ROBO1: variants seen among roughly 807,000 people sequenced by gnomAD.
ROBO1 encodes roundabout homolog 1.
ROBO1 carries 149 observed loss-of-function variants against 195.9 expected under a neutral mutation model. The observed-to-expected ratio is 0.76, with a 90% confidence interval of 0.67 to 0.87. The LOEUF (loss-of-function observed/expected upper bound fraction) is 0.87. Among genes scored for constraint, ROBO1 ranks in the 40% least tolerant of loss-of-function variants. The pLI, the probability that ROBO1 is intolerant of heterozygous loss-of-function variation, is 0.00. For synonymous variants in ROBO1, 816 were observed against 733.2 expected (o/e 1.11, Z -1.82); for missense variants, 1,933 against 2,068.3 (o/e 0.93, Z 1.27).
At chr3:78,874,344 T>C (rs532780921) in intron 4 of ROBO1, among the ~76,000 whole-genome samples, 1 of 152,040 alleles carries the variant, frequency 6.6e-6, no homozygotes, top group East Asian at 1.9e-4. Context: ...GGTAAGATAA[T>C]TTTTTCTCAA....
chr3:79,762,759 A>C (rs1559564287), intron 1 of ROBO1, among the ~76,000 whole-genome samples: 1 of 152,200 alleles, frequency 6.6e-6, no homozygotes, highest in Non-Finnish European at 1.5e-5. Flanking sequence ...TTCAATGACT[A>C]AGGAGTTTAG....
intron 4 of ROBO1, among the ~76,000 whole-genome samples, chr3:78,881,878 G>A (rs2107263327): frequency 6.6e-6 from 1 of 152,092 alleles, no homozygotes; most frequent in Non-Finnish European, 1.5e-5. Flanking sequence ...ACTTTTAATG[G>A]ACATGGCCTT....
intron 1 of ROBO1, among the ~76,000 whole-genome samples, chr3:79,735,888 A>AC (rs1224192522): frequency 0.011 from 299 of 26,152 alleles, 1 homozygote; most frequent in African/African-American, 0.033. Flanking sequence ...AAAAAAAAAC[A>AC]AAAAAAAAAC....
chr3:79,103,035 A>G (rs1169277769), intron 3 of ROBO1, among the ~76,000 whole-genome samples: 2 of 151,830 alleles, frequency 1.3e-5, no homozygotes, highest in Non-Finnish European at 2.9e-5. Flanking sequence ...TTCTAAAATC[A>G]GAAGATAGAA....
At chr3:78,663,444 C>T (rs751506617) in intron 14 of ROBO1, among the ~76,000 whole-genome samples, 4 of 152,082 alleles carry the variant, frequency 2.6e-5, no homozygotes, top group Non-Finnish European at 5.9e-5. Flanking sequence ...ACGGAGTAAA[C>T]ACTTGATTGT....
intron 1 of ROBO1, among the ~76,000 whole-genome samples, chr3:79,679,092 C>A (rs1056812249): frequency 1.3e-5 from 2 of 151,858 alleles, no homozygotes; most frequent in South Asian, 4.1e-4. Flanking sequence ...CCCTTAATCC[C>A]ACAAATTACA....
intron 4 of ROBO1, among the ~76,000 whole-genome samples, chr3:78,882,582 G>A (rs188628308): frequency 2.5e-4 from 38 of 152,104 alleles, no homozygotes; most frequent in African/African-American, 8.0e-4. Context: ...CTGTCACCTC[G>A]GGGATCATAC....
At chr3:78,982,438 G>A (rs2077017381) in intron 3 of ROBO1, among the ~76,000 whole-genome samples, 1 of 152,096 alleles carries the variant, frequency 6.6e-6, no homozygotes. Flanking sequence ...CAAATAATGA[G>A]CATTTTTGCA....
At chr3:78,860,908 C>T (rs1470833965) in intron 4 of ROBO1, among the ~76,000 whole-genome samples, 1 of 152,114 alleles carries the variant, frequency 6.6e-6, no homozygotes, top group African/African-American at 2.4e-5. Flanking sequence ...ATCTGGATTG[C>T]TCTTACCCAC....
intron 3 of ROBO1, among the ~76,000 whole-genome samples, chr3:79,058,989 C>T (rs1451437911): frequency 1.3e-5 from 2 of 152,060 alleles, no homozygotes; most frequent in South Asian, 2.1e-4. Context: ...CAATTCCACC[C>T]AAATGTGGAA....
intron 2 of ROBO1, among the ~76,000 whole-genome samples, chr3:79,427,823 C>T (rs1040306462): frequency 6.6e-6 from 1 of 152,054 alleles, no homozygotes; most frequent in Non-Finnish European, 1.5e-5. Flanking sequence ...TTTAACACTT[C>T]AAACTATGAA....
chr3:79,315,520 G>C (rs2033692254), intron 2 of ROBO1, among the ~76,000 whole-genome samples: 1 of 152,202 alleles, frequency 6.6e-6, no homozygotes, highest in Non-Finnish European at 1.5e-5. Context: ...AGTGCTGTAT[G>C]AGAAGATGGG....
At chr3:79,340,060 C>A (rs1470439979) in intron 2 of ROBO1, among the ~76,000 whole-genome samples, 1 of 152,178 alleles carries the variant, frequency 6.6e-6, no homozygotes, top group African/African-American at 2.4e-5. Context: ...GTGTGATAGC[C>A]TGTTTGCTCT....
intron 2 of ROBO1, among the ~76,000 whole-genome samples, chr3:79,226,646 T>C (rs764314116): frequency 2.6e-5 from 4 of 151,656 alleles, no homozygotes; most frequent in Non-Finnish European, 5.9e-5. Flanking sequence ...GCTCAAGCGA[T>C]CCTCCCACCT....
intron 1 of ROBO1, among the ~76,000 whole-genome samples, chr3:79,598,974 C>G (rs1172709387): frequency 6.6e-6 from 1 of 152,028 alleles, no homozygotes; most frequent in African/African-American, 2.4e-5. Context: ...AGGACTAAAC[C>G]TATTTACAAC....
intron 1 of ROBO1, among the ~76,000 whole-genome samples, chr3:79,735,126 T>A (rs1703325733): frequency 6.6e-6 from 1 of 152,236 alleles, no homozygotes; most frequent in Non-Finnish European, 1.5e-5. Flanking sequence ...ACCTTCTGCA[T>A]CATCTGGAAG....
chr3:78,692,257 G>C (rs983464452), intron 8 of ROBO1, among the ~76,000 whole-genome samples: 1 of 151,756 alleles, frequency 6.6e-6, no homozygotes, highest in African/African-American at 2.4e-5. Context: ...TAATATTATT[G>C]TAACTTTTTG....
intron 3 of ROBO1, among the ~76,000 whole-genome samples, chr3:78,992,107 G>T (rs1393813423): frequency 6.6e-6 from 1 of 152,150 alleles, no homozygotes; most frequent in African/African-American, 2.4e-5. Context: ...AATGCTCCAG[G>T]ATAATAATTT....
intron 1 of ROBO1, among the ~76,000 whole-genome samples, chr3:79,620,794 C>G (rs1027518213): frequency 6.6e-6 from 1 of 152,038 alleles, no homozygotes; most frequent in African/African-American, 2.4e-5. Flanking sequence ...CACTCAACAC[C>G]AATATCCCAT....
Sources: gnomAD v4.1 joint callset for allele counts (sites outside exome capture counted in the v4.1 genomes callset) on GRCh38, gnomAD v4.1.1 for gene constraint, MANE v1.5 for transcripts, NCBI Gene and HGNC (gene_info 2026-07-23, HGNC 2026-07-21) for gene names.